The following CHCHD6 variants were observed in gnomAD, a reference collection of about 807,000 sequenced individuals.
The protein encoded by CHCHD6 is coiled-coil-helix-coiled-coil-helix domain containing 6, also known as MICOS complex subunit MIC25.
CHCHD6 carries 28 observed loss-of-function variants against 32.3 expected under a neutral mutation model. That is an observed-to-expected ratio of 0.87 (90% CI 0.64 to 1.19). The LOEUF is 1.19. Ranked by LOEUF, CHCHD6 falls within the 50% of genes most tolerant of loss-of-function variation. CHCHD6 has a pLI of 0.00. For synonymous variants in CHCHD6, 122 were observed against 117.5 expected (o/e 1.04, Z -0.25); for missense variants, 333 against 307.0 (o/e 1.08, Z -0.63).
chr3:126,789,999 A>T (rs1938443426), intron 4 of CHCHD6, among the ~76,000 whole-genome samples: 1 of 151,722 alleles, frequency 6.6e-6, no homozygotes, highest in African/African-American at 2.4e-5. Context: ...TTGCTTCAGG[A>T]GCTCTTGTAG....
intron 5 of CHCHD6, among the ~76,000 whole-genome samples, chr3:126,868,144 G>A (rs1236976215): frequency 1.3e-5 from 2 of 152,250 alleles, no homozygotes; most frequent in East Asian, 1.9e-4. Context: ...GCTGCCACAT[G>A]TGGTGGCATA....
At chr3:126,870,687 T>C (rs2077455679) in intron 5 of CHCHD6, among the ~76,000 whole-genome samples, 1 of 152,212 alleles carries the variant, frequency 6.6e-6, no homozygotes, top group Non-Finnish European at 1.5e-5. Flanking sequence ...CTACTGTTTT[T>C]GGACCTGAGC....
intron 5 of CHCHD6, among the ~76,000 whole-genome samples, chr3:126,859,738 TCCAGAGCCCGC>T: frequency 6.6e-6 from 1 of 152,084 alleles, no homozygotes; most frequent in Admixed American, 6.5e-5. Context: ...TCTGCGAGAC[TCCAGAGCCCGC>T]TCTTCCACTG....
At chr3:126,855,675 G>A (rs1576500039) in intron 5 of CHCHD6, among the ~76,000 whole-genome samples, 1 of 152,112 alleles carries the variant, frequency 6.6e-6, no homozygotes, top group East Asian at 1.9e-4. Flanking sequence ...CTGGGCTGGG[G>A]CCATGCAATC....
chr3:126,887,757 C>T (rs1219397697), intron 5 of CHCHD6, among the ~76,000 whole-genome samples: 1 of 152,176 alleles, frequency 6.6e-6, no homozygotes, highest in Non-Finnish European at 1.5e-5. Flanking sequence ...TTGGACCAGC[C>T]GCAGCATAGG....
chr3:126,835,303 G>A (rs764872190), intron 4 of CHCHD6, among the ~76,000 whole-genome samples: 1 of 151,894 alleles, frequency 6.6e-6, no homozygotes, highest in Non-Finnish European at 1.5e-5. Context: ...TAGGTGTGGG[G>A]CACCTGCCTG....
chr3:126,854,623 G>A (rs945266559), intron 5 of CHCHD6, among the ~76,000 whole-genome samples: 3 of 151,990 alleles, frequency 2.0e-5, no homozygotes, highest in Admixed American at 6.5e-5. Context: ...TTGAATACTC[G>A]CAGACCTTGA....
intron 5 of CHCHD6, among the ~76,000 whole-genome samples, chr3:126,912,669 C>T (rs905255701): frequency 6.6e-6 from 1 of 152,216 alleles, no homozygotes; most frequent in Non-Finnish European, 1.5e-5. Flanking sequence ...CCTGACTCCC[C>T]CGGCCCAGCC....
intron 1 of CHCHD6, among the ~76,000 whole-genome samples, chr3:126,704,648 C>T (rs1934386624): frequency 6.6e-6 from 1 of 152,154 alleles, no homozygotes; most frequent in African/African-American, 2.4e-5. Context: ...CCCTGGGACA[C>T]GAGGGACGCC....
At chr3:126,848,075 G>C (rs1325862756) in intron 4 of CHCHD6, among the ~76,000 whole-genome samples, 6 of 152,144 alleles carry the variant, frequency 3.9e-5, no homozygotes, top group African/African-American at 1.4e-4. Context: ...AAACTCCAGG[G>C]ACCAAAAAAT....
At chr3:126,929,780 G>A (rs558598943) in intron 6 of CHCHD6, among the ~76,000 whole-genome samples, 4 of 152,218 alleles carry the variant, frequency 2.6e-5, no homozygotes, top group South Asian at 2.1e-4. Flanking sequence ...TGGCCAGGCC[G>A]GTCTCGAACT....
At chr3:126,757,983 A>G (rs1937025432) in intron 4 of CHCHD6, among the ~76,000 whole-genome samples, 1 of 152,184 alleles carries the variant, frequency 6.6e-6, no homozygotes, top group African/African-American at 2.4e-5. Context: ...GTTTGGATGA[A>G]CCCACTCTCA....
At chr3:126,794,580 G>C (rs1275155600) in intron 4 of CHCHD6, among the ~76,000 whole-genome samples, 1 of 151,914 alleles carries the variant, frequency 6.6e-6, no homozygotes. Context: ...TTCAGAAAAA[G>C]TTTGAATCTT....
chr3:126,957,713 G>A (rs1490906946), intron 7 of CHCHD6, 162 bp downstream of exon 7: 7 of 839,828 alleles, frequency 8.3e-6, no homozygotes, highest in Non-Finnish European at 9.6e-6. Flanking sequence ...GCTTTCCTCA[G>A]TCACCTGCAC....
chr3:126,775,806 C>T (rs990260343), intron 4 of CHCHD6, among the ~76,000 whole-genome samples: 4 of 152,192 alleles, frequency 2.6e-5, no homozygotes, highest in Non-Finnish European at 5.9e-5. Flanking sequence ...CTCAAATCAG[C>T]GGCTGCTCCA....
chr3:126,952,575 G>A (rs777642857), intron 6 of CHCHD6, among the ~76,000 whole-genome samples: 1 of 152,192 alleles, frequency 6.6e-6, no homozygotes, highest in African/African-American at 2.4e-5. Flanking sequence ...CGTCAGCTGA[G>A]CAGTGAGGCT....
At chr3:126,786,447 G>C (rs1190121268) in intron 4 of CHCHD6, among the ~76,000 whole-genome samples, 1 of 152,216 alleles carries the variant, frequency 6.6e-6, no homozygotes, top group Non-Finnish European at 1.5e-5. Context: ...CCCACCAACA[G>C]TGTAAAAGTG....
rs567650771 is a variant in CHCHD6, at chr3:126,785,127, C to A, written c.411+51905C>A. 5.9e-5 allele frequency among the ~76,000 whole-genome samples: 9 copies of A among 152,274 alleles called. No individual in the cohort carries two copies. In the South Asian group the frequency reaches 1.9e-3, roughly 32 times the overall value. ...ATAGTACAGAGTTTCTCAGCCTCAGCTCTGGTGACATCTTGGGTTGGATGC... is the reference window on the plus strand; with the variant it reads ...ATAGTACAGAGTTTCTCAGCCTCAGATCTGGTGACATCTTGGGTTGGATGC... On this transcript the variant is annotated intron_variant, in intron 4 of 7. Coordinates refer to ENST00000290913, the MANE Select transcript of CHCHD6 (RefSeq NM_032343.3).
intron 4 of CHCHD6, among the ~76,000 whole-genome samples, chr3:126,810,472 G>A (rs1402136073): frequency 6.6e-6 from 1 of 152,216 alleles, no homozygotes; most frequent in African/African-American, 2.4e-5. Context: ...ACTACAGTTT[G>A]TGGTGATAGA....
Sources: gnomAD v4.1 joint callset for allele counts (sites outside exome capture counted in the v4.1 genomes callset) on GRCh38, gnomAD v4.1.1 for gene constraint, MANE v1.5 for transcripts, NCBI Gene and HGNC (gene_info 2026-07-23, HGNC 2026-07-21) for gene names.